Variants in TRAPPC12 observed in about 807,000 individuals in gnomAD.
The protein encoded by TRAPPC12 is trafficking protein particle complex subunit 12, also known as TPR repeat protein 15.
Under a neutral mutation model 69.2 loss-of-function variants are expected in TRAPPC12, and 61 were observed. That is an observed-to-expected ratio of 0.88 (90% CI 0.72 to 1.09). The LOEUF is 1.09. Ranked by LOEUF, TRAPPC12 falls within the 50% of genes least tolerant of loss-of-function variation. The probability of loss-of-function intolerance (pLI) is 0.00; values close to 1 mark genes in which losing one functional copy is unlikely to be tolerated. For missense variants in TRAPPC12, 1,101 were observed against 1,016.4 expected (o/e 1.08, Z -1.13); for synonymous variants, 469 against 438.9 (o/e 1.07, Z -0.86).
intron 11 of TRAPPC12, 22 bp downstream of exon 11, chr2:3,478,955 A>T (rs773370152): frequency 1.6e-5 from 25 of 1,606,910 alleles, no homozygotes; most frequent in Non-Finnish European, 2.1e-5. Context: ...AAGCTGCAGG[A>T]TCCTCCATCC....
chr2:3,387,957 G>C lies in TRAPPC12; in HGVS notation c.334G>C (p.Gly112Arg). Reference sequence around the variant, plus strand: ...GCCCGCGGGCACCCCGAGTCCCAGCGGCGAGGCCGACGGCGACTGTGCCCC... The same window carrying C: ...GCCCGCGGGCACCCCGAGTCCCAGCCGCGAGGCCGACGGCGACTGTGCCCC... ...PEPAGTPSPS[G>R]EADGDCAPED... The change falls in exon 2 of 12, where the codon GGC (glycine) becomes CGC (arginine). Residue 112 changes from glycine (G) to arginine (R), a missense_variant. Gly to Arg is a moderately radical substitution (Grantham distance 125). Transcript: ENST00000324266. The C allele has an allele frequency of 1.3e-6, 2 of 1,485,854 alleles. No homozygotes were observed. Among genetic ancestry groups the C allele is most frequent in the Non-Finnish European group, 1.8e-6 (2 of 1,122,556 alleles). 92.0% of individuals were successfully genotyped at this position (1,485,854 alleles called of 1,614,324 possible). A position where few individuals can be genotyped will look rare whatever the true frequency, so the allele number is the denominator to read the frequency against.
At chr2:3,444,409 A>G (rs980621999) in intron 6 of TRAPPC12, among the ~76,000 whole-genome samples, 17 of 152,264 alleles carry the variant, frequency 1.1e-4, no homozygotes, top group African/African-American at 4.1e-4. Context: ...AGTCACAGTT[A>G]ATGTGGGAGC....
chr2:3,395,001 C>T (rs1030151854), intron 2 of TRAPPC12, among the ~76,000 whole-genome samples: 1 of 152,120 alleles, frequency 6.6e-6, no homozygotes, highest in Non-Finnish European at 1.5e-5. Context: ...TGAGTACAGT[C>T]TTTTTTGTGG....
At chr2:3,400,672 G>A (rs542281616) in intron 2 of TRAPPC12, among the ~76,000 whole-genome samples, 5 of 152,248 alleles carry the variant, frequency 3.3e-5, no homozygotes, top group South Asian at 2.1e-4. Context: ...ACTCTCCCTC[G>A]GCCTGCGGTG....
chr2:3,441,636 CTTA>C (rs141323993), intron 5 of TRAPPC12, among the ~76,000 whole-genome samples: 4,490 of 147,618 alleles, frequency 0.03, 185 homozygotes, highest in African/African-American at 0.095. Context: ...TTATTATTTT[CTTA>C]TTATAATACA....
At chr2:3,436,516 A>G (rs972291308) in intron 5 of TRAPPC12, among the ~76,000 whole-genome samples, 6 of 152,034 alleles carry the variant, frequency 3.9e-5, no homozygotes, top group Non-Finnish European at 7.4e-5. Flanking sequence ...CATTTTTATT[A>G]TTAATAAGTA....
At chr2:3,450,552 G>A (rs1664796827) in intron 6 of TRAPPC12, among the ~76,000 whole-genome samples, 1 of 152,196 alleles carries the variant, frequency 6.6e-6, no homozygotes, top group Non-Finnish European at 1.5e-5. Context: ...CCCCGGGGTG[G>A]CGAGGGGGCG....
At chr2:3,472,029 A>G (rs1244588383) in intron 9 of TRAPPC12, among the ~76,000 whole-genome samples, 1 of 152,192 alleles carries the variant, frequency 6.6e-6, no homozygotes, top group Non-Finnish European at 1.5e-5. Context: ...GGCAGGAGAA[A>G]GCCTCAGCCA....
At chr2:3,386,712 G>A (rs1660509779) in intron 1 of TRAPPC12, among the ~76,000 whole-genome samples, 1 of 152,126 alleles carries the variant, frequency 6.6e-6, no homozygotes, top group Admixed American at 6.6e-5. Flanking sequence ...GCGTGGGGCG[G>A]GGGTAGGGGC....
At chr2:3,474,859 T>C (rs914194620) in intron 9 of TRAPPC12, among the ~76,000 whole-genome samples, 1 of 151,964 alleles carries the variant, frequency 6.6e-6, no homozygotes, top group African/African-American at 2.4e-5. Flanking sequence ...TAATTTATTA[T>C]TATGAATCTG....
At chr2:3,459,708 C>T (rs111464594) in intron 7 of TRAPPC12, among the ~76,000 whole-genome samples, 3,888 of 152,314 alleles carry the variant, frequency 0.026, 160 homozygotes, top group African/African-American at 0.088. Context: ...GAGTCCCCAG[C>T]GGAATGTGCC....
chr2:3,381,487 A>G (rs545051294), intron 1 of TRAPPC12, among the ~76,000 whole-genome samples: 2 of 152,334 alleles, frequency 1.3e-5, no homozygotes, highest in South Asian at 4.1e-4. Flanking sequence ...GGACAAGGAG[A>G]AAGTCAGATT....
At chr2:3,428,303 T>G (rs1186316233) in intron 5 of TRAPPC12, among the ~76,000 whole-genome samples, 1 of 152,252 alleles carries the variant, frequency 6.6e-6, no homozygotes, top group Non-Finnish European at 1.5e-5. Context: ...CAAAAGCGTA[T>G]TAACATTCAT....
intron 9 of TRAPPC12, among the ~76,000 whole-genome samples, chr2:3,471,330 G>A (rs1666049843): frequency 6.6e-6 from 1 of 152,144 alleles, no homozygotes; most frequent in Non-Finnish European, 1.5e-5. Context: ...GGGGTTTAAT[G>A]CCTGCATATA....
rs538632713 is a variant in TRAPPC12, at chr2:3,463,042, G to A, written c.1678-2555G>A. On this transcript the variant is annotated intron_variant, in intron 8 of 11. Transcript: ENST00000324266. Reference sequence around the variant, plus strand: ...GTGGCTGCTGAAAAGAAATGGTGAAGATTGAGCTAAAATAGACTTGTCCCT... The same window carrying A: ...GTGGCTGCTGAAAAGAAATGGTGAAAATTGAGCTAAAATAGACTTGTCCCT... 2.2e-5 allele frequency: 10 copies of A among 452,672 alleles called. No individual in the cohort carries two copies. In the East Asian group the frequency reaches 6.5e-4, roughly 29 times the overall value. 28.0% of individuals were successfully genotyped at this position (452,672 alleles called of 1,614,324 possible).
chr2:3,456,425 A>G (rs926689380), intron 6 of TRAPPC12: 6 of 152,266 alleles, frequency 3.9e-5, no homozygotes, highest in Admixed American at 3.9e-4. Context: ...AACACAAAAA[A>G]AAGTGCCCAA....
intron 1 of TRAPPC12, among the ~76,000 whole-genome samples, chr2:3,386,349 A>G (rs1047846142): frequency 1.3e-5 from 2 of 152,242 alleles, no homozygotes; most frequent in African/African-American, 2.4e-5. Flanking sequence ...TTTTCAAGAA[A>G]AAGAACAAAT....
intron 5 of TRAPPC12, among the ~76,000 whole-genome samples, chr2:3,428,641 A>G (rs937067449): frequency 3.3e-5 from 5 of 152,228 alleles, no homozygotes; most frequent in African/African-American, 1.2e-4. Context: ...ATGTATTTAC[A>G]TGTCAAATCT....
At chr2:3,421,280 C>G (rs1191939426) in intron 3 of TRAPPC12, among the ~76,000 whole-genome samples, 1 of 152,200 alleles carries the variant, frequency 6.6e-6, no homozygotes, top group East Asian at 1.9e-4. Flanking sequence ...GTGTCAGTAC[C>G]AGCCAGCCTT....
Sources: allele counts gnomAD v4.1 joint callset (sites outside exome capture counted in the v4.1 genomes callset), GRCh38; gene constraint gnomAD v4.1.1; transcripts MANE v1.5; gene names NCBI Gene and HGNC (gene_info 2026-07-23, HGNC 2026-07-21).